GRIN2B: variants seen among roughly 807,000 people sequenced by gnomAD.
GRIN2B encodes glutamate receptor ionotropic, NMDA 2B.
GRIN2B carries 5 observed loss-of-function variants against 114.5 expected under a neutral mutation model. The ratio of observed to expected loss-of-function variants is 0.04; its 90% CI spans 0.02 to 0.09. GRIN2B has a LOEUF of 0.09. GRIN2B is among the 10% of genes least tolerant of loss of function. The pLI is 1.00. For missense variants in GRIN2B, 1,108 were observed against 1,943.5 expected, an observed-to-expected ratio of 0.57 and a Z score of 8.08; for synonymous variants, 787 against 745.1, an observed-to-expected ratio of 1.06 and a Z score of -0.92.
chr12:13,834,256 C>T (rs182530515), intron 3 of GRIN2B, among the ~76,000 whole-genome samples: 1 of 144,300 alleles, frequency 6.9e-6, no homozygotes, highest in African/African-American at 2.6e-5. Context: ...CCACAATGGT[C>T]TGGATCTCCT....
chr12:13,935,635 C>T (rs1036007725), intron 2 of GRIN2B, among the ~76,000 whole-genome samples: 5 of 152,114 alleles, frequency 3.3e-5, no homozygotes, highest in African/African-American at 1.2e-4. Context: ...AAAATAGTAC[C>T]TATTTGATGG....
At chr12:13,570,356 G>A (rs529840554) in intron 11 of GRIN2B, among the ~76,000 whole-genome samples, 40 of 152,300 alleles carry the variant, frequency 2.6e-4, no homozygotes, top group African/African-American at 8.4e-4. Context: ...CCACTGCAAC[G>A]AGCAACAAAT....
At chr12:13,857,754 G>C (rs1468773773) in intron 3 of GRIN2B, among the ~76,000 whole-genome samples, 2 of 152,024 alleles carry the variant, frequency 1.3e-5, no homozygotes, top group Non-Finnish European at 2.9e-5. Context: ...TTCCCCCCTT[G>C]TCACCTCCAC....
intron 5 of GRIN2B, among the ~76,000 whole-genome samples, chr12:13,635,744 T>C (rs899649479): frequency 9.2e-5 from 14 of 152,164 alleles, no homozygotes; most frequent in African/African-American, 3.4e-4. Flanking sequence ...TGAGTGTGTA[T>C]TGGAGTTTCC....
intron 3 of GRIN2B, among the ~76,000 whole-genome samples, chr12:13,827,708 G>T (rs186192759): frequency 1.3e-5 from 2 of 150,888 alleles, no homozygotes; most frequent in Non-Finnish European, 3.0e-5. Flanking sequence ...TGGGGACAGA[G>T]TTTCACTCTG....
At chr12:13,863,884 A>G (rs1178453058) in intron 3 of GRIN2B, among the ~76,000 whole-genome samples, 1 of 152,248 alleles carries the variant, frequency 6.6e-6, no homozygotes, top group Non-Finnish European at 1.5e-5. Flanking sequence ...ATATGTACTT[A>G]TTCATGGTAA....
At chr12:13,651,506 G>T (rs964888584) in intron 5 of GRIN2B, among the ~76,000 whole-genome samples, 1 of 152,026 alleles carries the variant, frequency 6.6e-6, no homozygotes, top group Non-Finnish European at 1.5e-5. Context: ...GCATAAAATG[G>T]TGGCTCAATG....
intron 10 of GRIN2B, among the ~76,000 whole-genome samples, chr12:13,581,788 T>C (rs893024136): frequency 3.3e-5 from 5 of 151,874 alleles, no homozygotes; most frequent in Admixed American, 2.0e-4. Flanking sequence ...CGCATGCCTG[T>C]AGTCCCAGCT....
intron 4 of GRIN2B, among the ~76,000 whole-genome samples, chr12:13,707,422 T>C (rs1210803453): frequency 6.6e-6 from 1 of 152,148 alleles, no homozygotes; most frequent in African/African-American, 2.4e-5. Context: ...CTGAACTCAA[T>C]AGCTAAATGC....
intron 4 of GRIN2B, among the ~76,000 whole-genome samples, chr12:13,734,629 GA>G (rs1191052170): frequency 6.6e-6 from 1 of 152,152 alleles, no homozygotes; most frequent in Non-Finnish European, 1.5e-5. Flanking sequence ...TCATTCAATA[GA>G]AAATGTTTGT....
chr12:13,726,397 T>G (rs1862984864), intron 4 of GRIN2B, among the ~76,000 whole-genome samples: 1 of 151,734 alleles, frequency 6.6e-6, no homozygotes, highest in Middle Eastern at 3.2e-3. Context: ...TAGCCAGGCA[T>G]GGTGGCGGCC....
intron 4 of GRIN2B, among the ~76,000 whole-genome samples, chr12:13,727,479 T>C (rs533661902): frequency 4.7e-4 from 72 of 152,318 alleles, no homozygotes; most frequent in South Asian, 3.1e-3. Context: ...GGCTTTAGCA[T>C]TGGGTGATCC....
intron 2 of GRIN2B, among the ~76,000 whole-genome samples, chr12:13,890,818 G>A (rs1351210348): frequency 4.6e-5 from 7 of 152,158 alleles, no homozygotes; most frequent in Non-Finnish European, 8.8e-5. Flanking sequence ...CAGCTTCAGA[G>A]AAGGCAGAGT....
rs550671832 is a variant in GRIN2B at position 13,930,613 on chromosome 12, T to C, written c.-19+49315A>G. On this transcript the variant is annotated intron_variant, in intron 2 of 13. Transcript: ENST00000609686. ...CATTTGAATTAATGTATCGGTAATT[T>C]ATAATTTATACCCAGCTACTTCCAC... 5.3e-5 allele frequency among the ~76,000 whole-genome samples: 8 copies of C among 152,334 alleles called. No homozygotes were observed. The South Asian group carries it at 1.7e-3, about 32-fold the overall frequency.
chr12:13,757,033 T>C (rs760760532), intron 3 of GRIN2B, among the ~76,000 whole-genome samples: 9 of 152,200 alleles, frequency 5.9e-5, no homozygotes, highest in Non-Finnish European at 1.2e-4. Context: ...ATCCTTACCG[T>C]ACCTTCTAGT....
At chr12:13,713,080 T>C (rs533771906) in intron 4 of GRIN2B, among the ~76,000 whole-genome samples, 1 of 151,868 alleles carries the variant, frequency 6.6e-6, no homozygotes, top group South Asian at 2.1e-4. Flanking sequence ...AATTAAAATA[T>C]AGGCAGGATA....
chr12:13,607,374 TTATATATATAA>T (rs1949286507), intron 10 of GRIN2B, among the ~76,000 whole-genome samples: 3 of 38,848 alleles, frequency 7.7e-5, no homozygotes, highest in Admixed American at 5.8e-4. Context: ...ATATTATATA[TTATATATATAA>T]TATATATTAT....
At chr12:13,578,417 C>T (rs937874140) in intron 10 of GRIN2B, among the ~76,000 whole-genome samples, 1 of 152,184 alleles carries the variant, frequency 6.6e-6, no homozygotes, top group African/African-American at 2.4e-5. Context: ...GTCCAAAAAC[C>T]CTGAGGCCAC....
intron 4 of GRIN2B, among the ~76,000 whole-genome samples, chr12:13,746,691 A>G (rs558772320): frequency 3.4e-4 from 51 of 152,114 alleles, no homozygotes; most frequent in Non-Finnish European, 6.6e-4. Flanking sequence ...AATGCTGGAG[A>G]TTGAGCCAGT....
Sources: allele counts gnomAD v4.1 joint callset (sites outside exome capture counted in the v4.1 genomes callset), GRCh38; gene constraint gnomAD v4.1.1; transcripts MANE v1.5; gene names NCBI Gene and HGNC (gene_info 2026-07-23, HGNC 2026-07-21).